The following USP48 variants were observed in gnomAD, a reference collection of about 807,000 sequenced individuals.
USP48 encodes ubiquitin carboxyl-terminal hydrolase 48.
In USP48, 43 loss-of-function variants were observed where a neutral mutation model predicts 150.7. The observed-to-expected ratio is 0.29, with a 90% confidence interval of 0.22 to 0.37. USP48 has a LOEUF of 0.37. Among genes scored for constraint, USP48 ranks in the 10% least tolerant of loss-of-function variants. The pLI is 1.00. For missense variants in USP48, 813 were observed against 1,249.6 expected (o/e 0.65, Z 5.27); for synonymous variants, 396 against 425.9 (o/e 0.93, Z 0.86).
rs368302606 is a variant in USP48, at chr1:21,774,094, A to C, written c.134+8730T>G. On this transcript the variant is annotated intron_variant, in intron 1 of 26. Coordinates refer to ENST00000308271, the MANE Select transcript of USP48 (RefSeq NM_032236.8). The stretch of plus-strand genomic sequence containing the variant: ...CTCGGGAGGCTGAGGCAGGAGAATC[A>C]CTTGAACCCAAAAGGTGGAGGTTGC... 2.1e-3 allele frequency among the ~76,000 whole-genome samples: 324 copies of C among 151,584 alleles called. 2 individuals are homozygous for C. The highest frequency in any genetic ancestry group is 6.9e-3 in the African/African-American group (284 of 41,332).
At chr1:21,734,331 C>T (rs546658494) in intron 9 of USP48, among the ~76,000 whole-genome samples, 2 of 151,794 alleles carry the variant, frequency 1.3e-5, no homozygotes, top group Admixed American at 1.3e-4. Flanking sequence ...TCCAGGAGTT[C>T]GAGGCTGCAG....
Position 21,704,407 on chromosome 1 carries a change from A to C in USP48, c.2385-15T>G, listed in dbSNP as rs1205616089. Reference sequence around the variant, plus strand: ...TGAGAGCTATACTGTGCAAAAAAAAAACACAACATGCCTTAAGACACATGG... The same window carrying C: ...TGAGAGCTATACTGTGCAAAAAAAACACACAACATGCCTTAAGACACATGG... On this transcript the variant is annotated splice_polypyrimidine_tract_variant and intron_variant, in intron 19 of 26. Transcript: ENST00000308271. 1.3e-6 allele frequency: 2 copies of C among 1,587,342 alleles called. No homozygotes were observed. The highest frequency in any genetic ancestry group is 8.5e-7 in the Non-Finnish European group (1 of 1,172,838).
At chr1:21,759,187 A>C (rs1240741842) in intron 1 of USP48, among the ~76,000 whole-genome samples, 1 of 150,438 alleles carries the variant, frequency 6.6e-6, no homozygotes, top group Non-Finnish European at 1.5e-5. Context: ...GTCTCAAAAA[A>C]AAAAAAAAAA....
intron 25 of USP48, among the ~76,000 whole-genome samples, chr1:21,681,697 A>C (rs2097566335): frequency 6.6e-6 from 1 of 152,166 alleles, no homozygotes; most frequent in Non-Finnish European, 1.5e-5. Context: ...GCCAGTCTCC[A>C]GCGCTGGCAT....
chr1:21,706,872 A>G lies in USP48; in HGVS notation c.1964-4T>C. Reference sequence around the variant, plus strand: ...TTTTCAGATATGCATAACTCACCTGAGTTTAAAAAAATATATTTGGAAAAA... The same window carrying G: ...TTTTCAGATATGCATAACTCACCTGGGTTTAAAAAAATATATTTGGAAAAA... On this transcript the variant is annotated splice_region_variant and splice_polypyrimidine_tract_variant and intron_variant, in intron 15 of 26. Coordinates refer to ENST00000308271, the MANE Select transcript of USP48 (RefSeq NM_032236.8). The G allele has an allele frequency of 6.3e-7, 1 of 1,579,266 alleles. No individual in the cohort carries two copies. The highest frequency in any genetic ancestry group is 8.6e-7 in the Non-Finnish European group (1 of 1,168,424).
chr1:21,685,607 G>A (rs990566602), intron 25 of USP48, among the ~76,000 whole-genome samples: 5 of 152,132 alleles, frequency 3.3e-5, no homozygotes, highest in Non-Finnish European at 5.9e-5. Flanking sequence ...GAGCCACTGC[G>A]CCCAGCCGCT....
At chr1:21,680,975 CG>C in intron 25 of USP48, 141 bp from the exon 26 acceptor site, 1 of 620,702 alleles carries the variant, frequency 1.6e-6, no homozygotes, top group Non-Finnish European at 2.8e-6. Flanking sequence ...TTTGAAGTTA[CG>C]GATGTTACTA....
chr1:21,777,281 C>T (rs1156569988), intron 1 of USP48, among the ~76,000 whole-genome samples: 1 of 152,026 alleles, frequency 6.6e-6, no homozygotes, highest in Non-Finnish European at 1.5e-5. Context: ...CAGAGCCAGA[C>T]CTTGTCTCAT....
chr1:21,706,118 G>T lies in USP48; in HGVS notation c.2273+8C>A. ...CAATAAAGGAAATAAAACATATTTT[G>T]TTTCTACCTAACAAATTTCCGCCAC... On this transcript the variant is annotated splice_region_variant and intron_variant, in intron 18 of 26. Transcript: ENST00000308271. 6.2e-7 allele frequency: 1 copy of T among 1,612,430 alleles called. No individual in the cohort carries two copies. Among genetic ancestry groups the T allele is most frequent in the Non-Finnish European group, 8.5e-7 (1 of 1,178,850 alleles).
chr1:21,725,815 G>A (rs1303628849), intron 11 of USP48, among the ~76,000 whole-genome samples: 5 of 151,558 alleles, frequency 3.3e-5, no homozygotes, highest in African/African-American at 9.7e-5. Context: ...GCACTTTACA[G>A]TATATCATGG....
chr1:21,725,197 G>A (rs1234954220), intron 11 of USP48: 1 of 152,172 alleles, frequency 6.6e-6, no homozygotes, highest in African/African-American at 2.4e-5. Flanking sequence ...TGGCTCCAGA[G>A]GAAGAGCACA....
chr1:21,757,080 T>G, intron 2 of USP48: 1 of 836,040 alleles, frequency 1.2e-6, no homozygotes, highest in Non-Finnish European at 1.4e-6. Context: ...GTAAAACTTA[T>G]GCAGAAAACT....
chr1:21,714,178 T>C (rs1034810257), intron 15 of USP48, among the ~76,000 whole-genome samples: 1 of 152,216 alleles, frequency 6.6e-6, no homozygotes, highest in African/African-American at 2.4e-5. Flanking sequence ...GAGTCCTAAA[T>C]ATTAGCAATA....
At chr1:21,701,374 A>G (rs1298722629) in intron 22 of USP48, 124 bp downstream of exon 22, 1 of 696,958 alleles carries the variant, frequency 1.4e-6, no homozygotes, top group Non-Finnish European at 2.3e-6. Flanking sequence ...TCAAAAAAAA[A>G]AAAAAAAGAA....
intron 8 of USP48, among the ~76,000 whole-genome samples, chr1:21,742,961 G>C (rs1343706190): frequency 6.6e-6 from 1 of 152,144 alleles, no homozygotes. Context: ...TTCCAACATG[G>C]TCAGTAATGG....
chr1:21,727,947 A>G, intron 11 of USP48: 1 of 985,312 alleles, frequency 1.0e-6, no homozygotes, highest in Non-Finnish European at 1.2e-6. Flanking sequence ...TAAAATGACA[A>G]AGATAACTTA....
intron 15 of USP48, among the ~76,000 whole-genome samples, chr1:21,713,392 A>C (rs1038942710): frequency 2.0e-5 from 3 of 152,178 alleles, no homozygotes; most frequent in Non-Finnish European, 4.4e-5. Context: ...TACAGGTGTG[A>C]AGCCACTGTG....
intron 1 of USP48, chr1:21,781,745 G>A (rs950908682): frequency 6.6e-6 from 1 of 152,250 alleles, no homozygotes; most frequent in African/African-American, 2.4e-5. Flanking sequence ...AAAACCACCA[G>A]AACTATTAGT....
chr1:21,751,205 T>C (rs186870813), intron 6 of USP48, among the ~76,000 whole-genome samples: 1 of 152,264 alleles, frequency 6.6e-6, no homozygotes, highest in African/African-American at 2.4e-5. Flanking sequence ...CAAGGTAAAA[T>C]ACCTTTATGA....
Sources: gnomAD v4.1 joint callset for allele counts (sites outside exome capture counted in the v4.1 genomes callset) on GRCh38, gnomAD v4.1.1 for gene constraint, MANE v1.5 for transcripts, NCBI Gene and HGNC (gene_info 2026-07-23, HGNC 2026-07-21) for gene names.